Variants in COL23A1 observed in about 807,000 individuals in gnomAD.
The protein encoded by COL23A1 is collagen type XXIII alpha 1 chain.
COL23A1 carries 97 observed loss-of-function variants against 99.3 expected under a neutral mutation model. The observed-to-expected ratio is 0.98, with a 90% CI of 0.83 to 1.16. The LOEUF (loss-of-function observed/expected upper bound fraction) is 1.16, where lower values mean the gene tolerates loss of function less well. Among genes scored for constraint, COL23A1 ranks in the 50% most tolerant of loss-of-function variants. The pLI is 0.00. For synonymous variants in COL23A1, 320 were observed against 308.2 expected (o/e 1.04, Z -0.40); for missense variants, 762 against 757.4 (o/e 1.01, Z -0.07).
intron 1 of COL23A1, among the ~76,000 whole-genome samples, chr5:178,584,448 C>T (rs1460328079): frequency 6.6e-6 from 1 of 152,146 alleles, no homozygotes; most frequent in Non-Finnish European, 1.5e-5. Flanking sequence ...GTTATGCACC[C>T]ACCTTGGTCC....
At chr5:178,423,843 T>C (rs779883294) in intron 2 of COL23A1, among the ~76,000 whole-genome samples, 2 of 152,132 alleles carry the variant, frequency 1.3e-5, no homozygotes, top group Non-Finnish European at 2.9e-5. Flanking sequence ...CTCACAATAA[T>C]GCTCACTTTA....
Position 178,238,530 on chromosome 5 carries a change from G to A in COL23A1, c.*168C>T, listed in dbSNP as rs576377093. ...CCCTGGTCTGGCCTGTCCACTTTCC[G>A]GCAGCTTCACATGCCGGTGGCTTTG... On this transcript the variant is annotated 3_prime_UTR_variant, in exon 29 of 29. Transcript: ENST00000390654. 16 of 866,658 alleles carry A rather than the reference G, an allele frequency of 1.8e-5. No homozygotes were observed. The highest frequency in any genetic ancestry group is 5.3e-5 in the East Asian group (2 of 37,646). The allele number at this position is 866,658 out of a possible 1,614,324, so 53.7% of individuals were successfully genotyped here.
At chr5:178,265,020 C>G (rs1755802554) in intron 8 of COL23A1, among the ~76,000 whole-genome samples, 1 of 152,128 alleles carries the variant, frequency 6.6e-6, no homozygotes, top group Admixed American at 6.5e-5. Flanking sequence ...GAAGGAATGG[C>G]TGGGGTGGGG....
At chr5:178,449,132 G>A (rs1274012680) in intron 2 of COL23A1, among the ~76,000 whole-genome samples, 2 of 152,058 alleles carry the variant, frequency 1.3e-5, no homozygotes, top group African/African-American at 4.8e-5. Context: ...AAGTAGCTGG[G>A]ATTACAGGCC....
intron 2 of COL23A1, among the ~76,000 whole-genome samples, chr5:178,530,637 G>A (rs1760593684): frequency 6.6e-6 from 1 of 152,118 alleles, no homozygotes; most frequent in Admixed American, 6.5e-5. Flanking sequence ...GCTAATTTGT[G>A]AGGAGGCCAA....
At chr5:178,325,151 G>A (rs1362023353) in intron 2 of COL23A1, among the ~76,000 whole-genome samples, 2 of 152,190 alleles carry the variant, frequency 1.3e-5, no homozygotes, top group Non-Finnish European at 2.9e-5. Flanking sequence ...CAATACCAGC[G>A]TCTCCCCAGG....
intron 2 of COL23A1, among the ~76,000 whole-genome samples, chr5:178,422,485 C>T (rs1322597909): frequency 2.0e-5 from 3 of 152,182 alleles, no homozygotes; most frequent in Non-Finnish European, 4.4e-5. Flanking sequence ...CAGGTAGCAG[C>T]TACGTGGGCA....
intron 2 of COL23A1, among the ~76,000 whole-genome samples, chr5:178,344,591 C>G (rs1052189228): frequency 2.6e-5 from 4 of 151,674 alleles, no homozygotes; most frequent in African/African-American, 7.3e-5. Flanking sequence ...TGCAGTGAGC[C>G]GACATCATGT....
chr5:178,364,713 A>G (rs1762367992), intron 2 of COL23A1, among the ~76,000 whole-genome samples: 1 of 152,160 alleles, frequency 6.6e-6, no homozygotes, highest in South Asian at 2.1e-4. Flanking sequence ...TCCTGTCCCC[A>G]CTCCAGAGGC....
intron 2 of COL23A1, among the ~76,000 whole-genome samples, chr5:178,377,537 C>A (rs1457735659): frequency 6.6e-6 from 1 of 152,202 alleles, no homozygotes; most frequent in Non-Finnish European, 1.5e-5. Flanking sequence ...TTTTCTTCAC[C>A]CTCTGCCACC....
intron 2 of COL23A1, among the ~76,000 whole-genome samples, chr5:178,526,402 C>T (rs1238934017): frequency 1.3e-5 from 2 of 152,184 alleles, no homozygotes; most frequent in Non-Finnish European, 2.9e-5. Context: ...CTCTATGGGA[C>T]TCTGCTGGCA....
At chr5:178,315,999 G>A (rs1419926028) in intron 2 of COL23A1, among the ~76,000 whole-genome samples, 1 of 152,114 alleles carries the variant, frequency 6.6e-6, no homozygotes, top group Admixed American at 6.5e-5. Context: ...ATAAAACCCA[G>A]AGAATGTATT....
chr5:178,252,103 C>T (rs1765069216), intron 17 of COL23A1, among the ~76,000 whole-genome samples: 1 of 151,874 alleles, frequency 6.6e-6, no homozygotes, highest in Admixed American at 6.6e-5. Context: ...TTAGTAGAGA[C>T]AGAGTTTCAC....
intron 28 of COL23A1, among the ~76,000 whole-genome samples, chr5:178,238,930 C>G (rs973443327): frequency 2.0e-5 from 3 of 152,162 alleles, no homozygotes; most frequent in Non-Finnish European, 2.9e-5. Context: ...GGTTATACAC[C>G]ATCACCCAGG....
intron 2 of COL23A1, among the ~76,000 whole-genome samples, chr5:178,492,290 G>A (rs1305616814): frequency 6.6e-6 from 1 of 152,100 alleles, no homozygotes; most frequent in Non-Finnish European, 1.5e-5. Context: ...TTTAAAGAGG[G>A]AGTTCAGGTC....
rs1218953144 is a variant in COL23A1, at chr5:178,313,167, TA to T, written c.362-6249del. The stretch of plus-strand genomic sequence containing the variant: ...AGATTCACAGGGGCAGAAGGTGGAA[TA>T]GGGGGTGCCATCGGTGGGCTGGGCT... On this transcript the variant is annotated intron_variant, in intron 2 of 28. Coordinates refer to ENST00000390654, the MANE Select transcript of COL23A1 (RefSeq NM_173465.4). The surrounding 1 kb of genome is among the most constrained non-coding windows in gnomAD (Gnocchi z 4.2). Among the ~76,000 whole-genome samples the T allele has an allele frequency of 1.3e-5, 2 of 152,004 alleles. No individual in the cohort carries two copies. The highest frequency in any genetic ancestry group is 2.9e-5 in the Non-Finnish European group (2 of 67,978).
At chr5:178,368,357 C>T (rs1443476442) in intron 2 of COL23A1, among the ~76,000 whole-genome samples, 1 of 152,136 alleles carries the variant, frequency 6.6e-6, no homozygotes, top group Non-Finnish European at 1.5e-5. Flanking sequence ...CCCATATCCC[C>T]TCAGCCCACA....
chr5:178,498,270 AAAT>A lies in COL23A1; in HGVS notation c.361+62409_361+62411del, dbSNP rs1248251219. Among the ~76,000 whole-genome samples, 220 of 136,276 alleles carry A rather than the reference AAAT, an allele frequency of 1.6e-3. 11 individuals are homozygous for A. Among genetic ancestry groups the A allele is most frequent in the African/African-American group, 5.5e-3 (197 of 35,804 alleles). The allele number at this position is 136,276 out of a possible 152,430, so 89.4% of individuals were successfully genotyped here. On this transcript the variant is annotated intron_variant, in intron 2 of 28. Transcript: ENST00000390654. ...TATATATATATATAAAAGAACTTAAAAATAAAAAAATAAAAATAAAAAATTAAA... is the reference window on the plus strand; with the variant it reads ...TATATATATATATAAAAGAACTTAAAAAAAAAATAAAAATAAAAAATTAAA...
chr5:178,527,530 T>A (rs548211844), intron 2 of COL23A1, among the ~76,000 whole-genome samples: 18 of 152,148 alleles, frequency 1.2e-4, no homozygotes, highest in African/African-American at 4.1e-4. Flanking sequence ...CTGGCCCGGG[T>A]GGATGGTGTG....
Sources: allele counts gnomAD v4.1 joint callset (sites outside exome capture counted in the v4.1 genomes callset), GRCh38; gene constraint gnomAD v4.1.1; non-coding constraint Gnocchi (gnomAD v3.1); transcripts MANE v1.5; gene names NCBI Gene and HGNC (gene_info 2026-07-23, HGNC 2026-07-21).